UBAP2: variants seen among roughly 807,000 people sequenced by gnomAD.
UBAP2 encodes ubiquitin associated protein 2, also known as ubiquitin-associated protein 2.
A neutral mutation model predicts 139.6 loss-of-function variants in UBAP2; 75 were observed. The ratio of observed to expected loss-of-function variants is 0.54; its 90% CI spans 0.45 to 0.65. The LOEUF (loss-of-function observed/expected upper bound fraction) is 0.65, where lower values mean the gene tolerates loss of function less well. Among genes scored for constraint, UBAP2 ranks in the 30% least tolerant of loss-of-function variants. The pLI is 0.00. For synonymous variants in UBAP2, 526 were observed against 526.2 expected (o/e 1.00, Z 0.01); for missense variants, 1,368 against 1,369.6 (o/e 1.00, Z 0.02).
chr9:34,039,425 G>C (rs1214002531), intron 1 of UBAP2, among the ~76,000 whole-genome samples: 3 of 152,210 alleles, frequency 2.0e-5, no homozygotes, highest in East Asian at 1.9e-4. Context: ...GGGAAATGTG[G>C]GGAAAAGATA....
chr9:33,923,263 G>C lies in UBAP2; in HGVS notation c.2927C>G (p.Ala976Gly), dbSNP rs1186707810. 6.2e-7 allele frequency: 1 copy of C among 1,614,196 alleles called. No individual in the cohort carries two copies. Among genetic ancestry groups the C allele is most frequent in the Non-Finnish European group, 8.5e-7 (1 of 1,180,016 alleles). The part of the protein sequence containing the change: ...GYDDLTQGTA[A>G]GDYSKGGYAG... ...ATAGCCACCTTTGGAGTAGTCTCCT[G>C]CTGCTGTCCCCTGGGTCAGGTCGTC... Residue 976 changes from alanine (A) to glycine (G), a missense_variant, in exon 26 of 29, where the codon GCA becomes GGA. Physicochemically the swap from Ala to Gly is moderately conservative, Grantham distance 60. Transcript: ENST00000379238.
At chr9:33,961,826 C>T (rs1310712241) in intron 9 of UBAP2, among the ~76,000 whole-genome samples, 2 of 152,198 alleles carry the variant, frequency 1.3e-5, no homozygotes, top group South Asian at 2.1e-4. Context: ...CTTAGAATCA[C>T]GTAAACAGCC....
At chr9:33,922,626 T>G (rs778396687) in intron 28 of UBAP2, 27 bp from the exon 29 acceptor site, 1 of 1,608,438 alleles carries the variant, frequency 6.2e-7, no homozygotes, top group Non-Finnish European at 8.5e-7. Flanking sequence ...GGGAAGGCTG[T>G]CAAGGCTGGA....
chr9:33,975,675 A>C (rs899283274), intron 6 of UBAP2, among the ~76,000 whole-genome samples: 1 of 150,682 alleles, frequency 6.6e-6, no homozygotes, highest in Non-Finnish European at 1.5e-5. Context: ...GCGTAGTGGC[A>C]GGCGCCTGTA....
chr9:33,958,644 G>A lies in UBAP2; in HGVS notation c.798+2182C>T, dbSNP rs554383081. On this transcript the variant is annotated intron_variant, in intron 10 of 28. Transcript: ENST00000379238. ...GCTTGTCTTGAACTCCTGACCTCAG[G>A]TGATCCGCCCACCGCAGCCTCCCAA... Among the ~76,000 whole-genome samples the A allele has an allele frequency of 3.0e-3, 445 of 149,672 alleles. 1 individual carries two copies. Among genetic ancestry groups the A allele is most frequent in the African/African-American group, 0.01 (415 of 40,778 alleles).
At chr9:33,986,944 A>G (rs1048143295) in intron 5 of UBAP2, 107 bp from the exon 6 acceptor site, 3 of 995,016 alleles carry the variant, frequency 3.0e-6, no homozygotes, top group South Asian at 1.4e-5. Flanking sequence ...ACAGGCTACA[A>G]TTTAAACAAC....
intron 10 of UBAP2, among the ~76,000 whole-genome samples, chr9:33,956,703 AAAC>A (rs1826593348): frequency 6.6e-6 from 1 of 152,138 alleles, no homozygotes; most frequent in African/African-American, 2.4e-5. Context: ...GACTAATGGT[AAAC>A]AACACAGTGA....
At chr9:33,991,231 G>C (rs1178065053) in intron 4 of UBAP2, among the ~76,000 whole-genome samples, 1 of 152,156 alleles carries the variant, frequency 6.6e-6, no homozygotes, top group Non-Finnish European at 1.5e-5. Flanking sequence ...AACCTGGGAG[G>C]TGGAGGTTGC....
chr9:34,020,490 A>G (rs1287624190), intron 1 of UBAP2, among the ~76,000 whole-genome samples: 2 of 151,770 alleles, frequency 1.3e-5, no homozygotes, highest in Admixed American at 1.3e-4. Flanking sequence ...ATGCCCGGCT[A>G]ATTTTTGGTA....
At position 33,923,178 on chromosome 9, in the gene UBAP2, A is replaced by C. The variant is rs1250254028; in HGVS notation, c.3004+8T>G. On this transcript the variant is annotated splice_region_variant and intron_variant, in intron 26 of 28. Transcript: ENST00000379238. ...GGCCTTATCCTGGAAAGGAGAGGTA[A>C]ACACTACCTTTGCCAGGCCCAGAAC... 5.0e-6 allele frequency: 8 copies of C among 1,614,136 alleles called. No individual in the cohort carries two copies. Among genetic ancestry groups the C allele is most frequent in the African/African-American group, 1.3e-5 (1 of 75,042 alleles).
At chr9:34,005,588 C>T (rs888295807) in intron 2 of UBAP2, among the ~76,000 whole-genome samples, 1 of 151,634 alleles carries the variant, frequency 6.6e-6, no homozygotes, top group African/African-American at 2.4e-5. Flanking sequence ...GAATATAAAA[C>T]TTAACAATTA....
chr9:33,947,005 C>T (rs1474962664), intron 13 of UBAP2, among the ~76,000 whole-genome samples: 1 of 152,146 alleles, frequency 6.6e-6, no homozygotes, highest in Non-Finnish European at 1.5e-5. Context: ...GAGTGGCTCA[C>T]TGTGCTAAGA....
chr9:34,040,312 A>C (rs1307596748), intron 1 of UBAP2, among the ~76,000 whole-genome samples: 1 of 129,880 alleles, frequency 7.7e-6, no homozygotes, highest in Non-Finnish European at 1.6e-5. Context: ...TGACAGAATG[A>C]GACTCTGTCT....
chr9:33,923,207 C>G lies in UBAP2; in HGVS notation c.2983G>C (p.Ala995Pro), dbSNP rs1823079559. ...CTACCTTTGCCAGGCCCAGAACCTG[C>G]AGACTTGTTTGGTGCCTGCGATGAT... Reference protein sequence around the residue: ...AGSSQAPNKSAGSGPGKGVSV... With the variant: ...AGSSQAPNKSPGSGPGKGVSV... Residue 995 changes from alanine to proline, a missense_variant, in exon 26 of 29, where the codon GCA (alanine) becomes CCA (proline). By Grantham distance (27) the Ala-to-Pro change is conservative. Coordinates refer to ENST00000379238, the MANE Select transcript of UBAP2 (RefSeq NM_001370062.2). The G allele has an allele frequency of 2.5e-6, 4 of 1,614,104 alleles. No homozygotes were observed. In the Admixed American group the frequency reaches 5.0e-5, roughly 20 times the overall value.
intron 1 of UBAP2, among the ~76,000 whole-genome samples, chr9:34,020,662 T>A (rs1010753917): frequency 1.8e-5 from 1 of 57,070 alleles, no homozygotes; most frequent in African/African-American, 6.5e-5. Flanking sequence ...GAACTCTGTT[T>A]CCTTTTTTTT....
In UBAP2 at chr9:33,948,382, C is replaced by T; in HGVS notation, c.1262G>A (p.Ser421Asn). The T allele has an allele frequency of 6.2e-7, 1 of 1,609,196 alleles. No individual in the cohort carries two copies. The highest frequency in any genetic ancestry group is 8.5e-7 in the Non-Finnish European group (1 of 1,176,588). The stretch of plus-strand genomic sequence containing the variant: ...AAACAATGTATACCTACCAAGATGA[C>T]TGAGGACTGAGGACTGGGATGTTGG... ...KPPTSQSSVLSHLDFKSQPEP... is the reference protein window; with the variant it reads ...KPPTSQSSVLNHLDFKSQPEP... The change falls in exon 13 of 29, where the codon AGT becomes AAT. Residue 421 changes from serine (S) to asparagine (N), a missense_variant. By Grantham distance (46) the Ser-to-Asn change is conservative. Coordinates refer to ENST00000379238, the MANE Select transcript of UBAP2 (RefSeq NM_001370062.2).
intron 12 of UBAP2, among the ~76,000 whole-genome samples, chr9:33,950,573 A>G (rs2130962100): frequency 6.6e-6 from 1 of 152,330 alleles, no homozygotes; most frequent in Non-Finnish European, 1.5e-5. Context: ...AGTTGTGCTA[A>G]CATTACTTAT....
intron 2 of UBAP2, among the ~76,000 whole-genome samples, chr9:34,005,898 A>G (rs1218873056): frequency 1.3e-5 from 2 of 152,196 alleles, no homozygotes; most frequent in Admixed American, 1.3e-4. Flanking sequence ...ATCCCTAAAT[A>G]ATCAGTCCAC....
At chr9:33,932,946 C>G (rs111728735) in intron 18 of UBAP2, among the ~76,000 whole-genome samples, 1 of 152,200 alleles carries the variant, frequency 6.6e-6, no homozygotes, top group Non-Finnish European at 1.5e-5. Context: ...AATCTGTGAA[C>G]GAGGGATCAA....
Sources: gnomAD v4.1 joint callset for allele counts (sites outside exome capture counted in the v4.1 genomes callset) on GRCh38, gnomAD v4.1.1 for gene constraint, MANE v1.5 for transcripts, NCBI Gene and HGNC (gene_info 2026-07-23, HGNC 2026-07-21) for gene names.